OR51B5: variants seen among roughly 807,000 people sequenced by gnomAD.
OR51B5 encodes olfactory receptor family 51 subfamily B member 5.
For missense variants in OR51B5, 456 were observed against 374.6 expected (o/e 1.22, Z -1.79); for synonymous variants, 186 against 144.8 (o/e 1.28, Z -2.04).
intron 1 of OR51B5, among the ~76,000 whole-genome samples, chr11:5,443,521 T>C (rs12281453): frequency 0.13 from 19,668 of 151,938 alleles, 1,655 homozygotes; most frequent in Non-Finnish European, 0.19. Context: ...GTTTTTTTTT[T>C]TTCTTTACCT....
At chr11:5,419,389 C>A in intron 1 of OR51B5, among the ~76,000 whole-genome samples, 1 of 152,142 alleles carries the variant, frequency 6.6e-6, no homozygotes, top group East Asian at 1.9e-4. Flanking sequence ...GTTGGTCCTC[C>A]GTATTTGTGG....
intron 1 of OR51B5, among the ~76,000 whole-genome samples, chr11:5,408,533 C>T (rs1256514730): frequency 6.6e-6 from 1 of 152,140 alleles, no homozygotes; most frequent in Admixed American, 6.5e-5. Context: ...TCATTCATGA[C>T]ATCCAATTGG....
intron 1 of OR51B5, among the ~76,000 whole-genome samples, chr11:5,451,783 A>G (rs1396831174): frequency 6.6e-6 from 1 of 152,200 alleles, no homozygotes; most frequent in African/African-American, 2.4e-5. Context: ...AAGAGAAAGG[A>G]AAAACAGCGG....
intron 1 of OR51B5, among the ~76,000 whole-genome samples, chr11:5,451,600 G>A (rs1024482144): frequency 1.3e-5 from 2 of 152,120 alleles, no homozygotes; most frequent in Non-Finnish European, 2.9e-5. Flanking sequence ...ATGTATTGCT[G>A]GGGATATTTT....
chr11:5,482,228 C>A (rs1851434914), intron 1 of OR51B5, among the ~76,000 whole-genome samples: 1 of 92,496 alleles, frequency 1.1e-5, no homozygotes, highest in Non-Finnish European at 2.0e-5. Flanking sequence ...TGATCTTTGA[C>A]AAACCTGACA....
chr11:5,361,124 A>G (rs1393662982), intron 1 of OR51B5, among the ~76,000 whole-genome samples: 1 of 147,770 alleles, frequency 6.8e-6, no homozygotes. Flanking sequence ...AATGTACCCT[A>G]AAACTTAAAG....
intron 1 of OR51B5, among the ~76,000 whole-genome samples, chr11:5,366,080 T>A (rs1849360821): frequency 6.6e-6 from 1 of 152,086 alleles, no homozygotes. Context: ...ATGGAAGAGT[T>A]GCTGAGGGGT....
intron 1 of OR51B5, among the ~76,000 whole-genome samples, chr11:5,457,400 C>T (rs1049326630): frequency 4.6e-5 from 7 of 152,168 alleles, no homozygotes; most frequent in African/African-American, 1.7e-4. Flanking sequence ...ACCTTGATTT[C>T]ATGTCTTTGC....
intron 1 of OR51B5, among the ~76,000 whole-genome samples, chr11:5,456,961 C>CT (rs374149369): frequency 1.7e-4 from 26 of 152,316 alleles, no homozygotes; most frequent in African/African-American, 6.3e-4. Flanking sequence ...CCTGCTCCAT[C>CT]TTCACCTTCC....
rs184207963 is a variant in OR51B5 at position 5,362,933 on chromosome 11, G to A, written n.85-16023C>T. The A allele has an allele frequency of 1.6e-3, 264 of 161,272 alleles. 1 individual carries two copies. The highest frequency in any genetic ancestry group is 6.2e-3 in the African/African-American group (251 of 40,762). The allele number at this position is 161,272 out of a possible 1,614,324, so 10.0% of individuals were successfully genotyped here. On this transcript the variant is annotated intron_variant and non_coding_transcript_variant, in intron 1 of 4. Coordinates refer to the OR51B5 transcript ENST00000415970. Reference sequence around the variant, plus strand: ...TTCTTTCTATTGCTGGAAGTGTCCCGCCTGTTGCTTATAATAAATGCAGAT... The same window carrying A: ...TTCTTTCTATTGCTGGAAGTGTCCCACCTGTTGCTTATAATAAATGCAGAT...
intron 1 of OR51B5, among the ~76,000 whole-genome samples, chr11:5,374,787 A>T (rs916116138): frequency 6.6e-6 from 1 of 152,174 alleles, no homozygotes; most frequent in Non-Finnish European, 1.5e-5. Context: ...TAGAGAAAAA[A>T]GAATAAAAAG....
At chr11:5,410,550 T>C (rs191952301) in intron 1 of OR51B5, among the ~76,000 whole-genome samples, 92 of 152,298 alleles carry the variant, frequency 6.0e-4, no homozygotes, top group Non-Finnish European at 1.3e-3. Context: ...AAAAATCCTA[T>C]CACTTGTTAT....
intron 1 of OR51B5, among the ~76,000 whole-genome samples, chr11:5,473,047 T>C (rs1851251984): frequency 6.6e-6 from 1 of 152,222 alleles, no homozygotes; most frequent in Non-Finnish European, 1.5e-5. Flanking sequence ...TCCTTCCCTG[T>C]CTAAATGAAT....
intron 1 of OR51B5, among the ~76,000 whole-genome samples, chr11:5,426,747 C>G (rs1017395297): frequency 2.0e-5 from 3 of 152,148 alleles, no homozygotes; most frequent in African/African-American, 4.8e-5. Flanking sequence ...CTCTGTCTCC[C>G]TGTTTTTCTC....
At chr11:5,433,364 A>G (rs916299825) in intron 1 of OR51B5, among the ~76,000 whole-genome samples, 7 of 152,206 alleles carry the variant, frequency 4.6e-5, no homozygotes, top group African/African-American at 1.7e-4. Flanking sequence ...TTTTAAAGAC[A>G]ATAACAGTGA....
intron 1 of OR51B5, among the ~76,000 whole-genome samples, chr11:5,466,102 A>C (rs1009176906): frequency 1.3e-5 from 2 of 152,220 alleles, no homozygotes; most frequent in African/African-American, 4.8e-5. Flanking sequence ...GAACTCAAAC[A>C]AATTTACAAA....
At chr11:5,389,235 G>C (rs1328034198) in intron 1 of OR51B5, 7 of 720,872 alleles carry the variant, frequency 9.7e-6, no homozygotes, top group Non-Finnish European at 1.6e-5. Flanking sequence ...GGTTATCAAA[G>C]AAAGTTCAAT....
chr11:5,410,057 G>A (rs7127698), intron 1 of OR51B5, among the ~76,000 whole-genome samples: 123,583 of 152,038 alleles, frequency 0.81, 51,282 homozygotes, highest in Non-Finnish European at 0.89. Flanking sequence ...AAATGAAAAA[G>A]TAAAGAAGTT....
intron 1 of OR51B5, among the ~76,000 whole-genome samples, chr11:5,467,438 A>C (rs185503104): frequency 6.6e-6 from 1 of 152,308 alleles, no homozygotes; most frequent in East Asian, 1.9e-4. Context: ...ATTATTAGCT[A>C]TTGCTTTTTA....
Sources: allele counts gnomAD v4.1 joint callset (sites outside exome capture counted in the v4.1 genomes callset), GRCh38; gene constraint gnomAD v4.1.1; transcripts MANE v1.5; gene names NCBI Gene and HGNC (gene_info 2026-07-23, HGNC 2026-07-21).